TULP4: variants seen among roughly 807,000 people sequenced by gnomAD.
TULP4 encodes the protein TUB like protein 4, also known as tubby-related protein 4.
TULP4 carries 16 observed loss-of-function variants against 129.0 expected under a neutral mutation model. The ratio of observed to expected loss-of-function variants is 0.12; its 90% CI spans 0.08 to 0.19. The LOEUF (loss-of-function observed/expected upper bound fraction) is 0.19, where lower values mean the gene tolerates loss of function less well. Ranked by LOEUF, TULP4 falls within the 10% of genes least tolerant of loss-of-function variation. TULP4 has a pLI of 1.00. For missense variants in TULP4, 1,842 were observed against 2,059.1 expected, an observed-to-expected ratio of 0.89 and a Z score of 2.04; for synonymous variants, 998 against 854.0, an observed-to-expected ratio of 1.17 and a Z score of -2.94.
At chr6:158,498,916 G>C in intron 12 of TULP4, 104 bp downstream of exon 12, 1 of 1,418,736 alleles carries the variant, frequency 7.0e-7, no homozygotes, top group South Asian at 1.3e-5. Context: ...TGCTACCTGG[G>C]TTTGGAAAAG....
At chr6:158,316,545 C>T (rs1779496570) in intron 1 of TULP4, among the ~76,000 whole-genome samples, 1 of 152,194 alleles carries the variant, frequency 6.6e-6, no homozygotes, top group Non-Finnish European at 1.5e-5. Context: ...TACATACAGG[C>T]ATGCACACAT....
At chr6:158,259,038 T>C (rs1448251183) in intron 1 of TULP4, among the ~76,000 whole-genome samples, 1 of 152,196 alleles carries the variant, frequency 6.6e-6, no homozygotes, top group Admixed American at 6.5e-5. Flanking sequence ...GAGAACAGCC[T>C]GGCCAATATG....
chr6:158,404,636 C>A (rs548397121), intron 1 of TULP4, among the ~76,000 whole-genome samples: 1 of 151,844 alleles, frequency 6.6e-6, no homozygotes, highest in Non-Finnish European at 1.5e-5. Context: ...ATTAGCCAGG[C>A]GTGGTGGTGC....
intron 1 of TULP4, among the ~76,000 whole-genome samples, chr6:158,302,998 G>A (rs1463156340): frequency 2.0e-5 from 3 of 149,706 alleles, no homozygotes; most frequent in Non-Finnish European, 3.0e-5. Flanking sequence ...TACGCCAGGA[G>A]GAAGGCCATA....
At chr6:158,240,800 A>AC (rs1241645086) in intron 1 of TULP4, among the ~76,000 whole-genome samples, 1 of 110,560 alleles carries the variant, frequency 9.0e-6, no homozygotes, top group East Asian at 2.8e-4. Context: ...GGGGGGCTGA[A>AC]CCCCCCACCT....
chr6:158,289,743 G>A (rs1015814070), intron 1 of TULP4, among the ~76,000 whole-genome samples: 1 of 151,970 alleles, frequency 6.6e-6, no homozygotes. Flanking sequence ...ACCATGCCTG[G>A]CTGATTTTTT....
chr6:158,314,340 T>A, intron 1 of TULP4, 72 bp downstream of exon 1: 2 of 1,538,532 alleles, frequency 1.3e-6, no homozygotes, highest in Non-Finnish European at 1.8e-6. Context: ...GACTTGAAAC[T>A]TCCTTCATTT....
At chr6:158,322,820 C>T (rs1197667997) in intron 1 of TULP4, among the ~76,000 whole-genome samples, 1 of 152,142 alleles carries the variant, frequency 6.6e-6, no homozygotes, top group Non-Finnish European at 1.5e-5. Flanking sequence ...GAGGGTGAAA[C>T]GTGGACTTCG....
At chr6:158,351,795 T>G (rs1213729514) in intron 1 of TULP4, among the ~76,000 whole-genome samples, 1 of 129,926 alleles carries the variant, frequency 7.7e-6, no homozygotes, top group African/African-American at 2.9e-5. Flanking sequence ...CTCAGCTCAC[T>G]GCAGCCTCCA....
At chr6:158,279,481 G>A (rs536527027), upstream of TULP4, among the ~76,000 whole-genome samples, 1 of 152,294 alleles carries the variant, frequency 6.6e-6, no homozygotes, top group East Asian at 1.9e-4. Flanking sequence ...TATTCTGTTT[G>A]ACACTAATAC....
chr6:158,475,020 G>A (rs967246991), intron 6 of TULP4, among the ~76,000 whole-genome samples: 17 of 152,210 alleles, frequency 1.1e-4, no homozygotes, highest in Non-Finnish European at 1.5e-4. Flanking sequence ...TATACATTTA[G>A]CAAATATTTA....
chr6:158,349,021 C>G (rs374444808), intron 1 of TULP4, among the ~76,000 whole-genome samples: 77 of 21,640 alleles, frequency 3.6e-3, no homozygotes, highest in Admixed American at 0.017. Context: ...ACTTCCCAGA[C>G]GGGGCAGCCG....
intron 1 of TULP4, among the ~76,000 whole-genome samples, chr6:158,240,674 G>A (rs1467983714): frequency 6.3e-5 from 7 of 111,048 alleles, no homozygotes; most frequent in African/African-American, 2.0e-4. Flanking sequence ...CCTCCCAGAC[G>A]GGGCAGCTGG....
chr6:158,377,657 A>G (rs1016185847), intron 1 of TULP4, among the ~76,000 whole-genome samples: 1 of 152,234 alleles, frequency 6.6e-6, no homozygotes, highest in African/African-American at 2.4e-5. Flanking sequence ...TGAAGAGCCA[A>G]GTCTAGCGGG....
chr6:158,402,237 C>A (rs1349121772), intron 1 of TULP4, among the ~76,000 whole-genome samples: 1 of 152,186 alleles, frequency 6.6e-6, no homozygotes, highest in Non-Finnish European at 1.5e-5. Context: ...TGCCCCCACA[C>A]CCTACTCCCA....
intron 8 of TULP4, among the ~76,000 whole-genome samples, chr6:158,484,306 A>G (rs1306223686): frequency 2.0e-5 from 3 of 150,228 alleles, no homozygotes; most frequent in African/African-American, 4.9e-5. Context: ...GTGCAGTGGT[A>G]TGATCATAGT....
chr6:158,319,463 T>C (rs1366457767), intron 1 of TULP4, among the ~76,000 whole-genome samples: 1 of 152,138 alleles, frequency 6.6e-6, no homozygotes, highest in Non-Finnish European at 1.5e-5. Flanking sequence ...AGAAAAACCC[T>C]GTGTCCCCAC....
intron 1 of TULP4, among the ~76,000 whole-genome samples, chr6:158,296,784 CCAA>C (rs1356726879): frequency 6.6e-6 from 1 of 152,086 alleles, no homozygotes; most frequent in African/African-American, 2.4e-5. Context: ...AGCCTCAAAA[CCAA>C]CAAGTTTTTA....
chr6:158,476,148 T>G (rs953522027), intron 6 of TULP4, among the ~76,000 whole-genome samples: 1 of 152,216 alleles, frequency 6.6e-6, no homozygotes, highest in Non-Finnish European at 1.5e-5. Context: ...CAGCGTTTAT[T>G]TTGCTGCTTT....
Sources: allele counts gnomAD v4.1 joint callset (sites outside exome capture counted in the v4.1 genomes callset), GRCh38; gene constraint gnomAD v4.1.1; transcripts MANE v1.5; gene names NCBI Gene and HGNC (gene_info 2026-07-23, HGNC 2026-07-21).